OPCML: variants seen among roughly 807,000 people sequenced by gnomAD.
OPCML encodes the protein opioid-binding protein/cell adhesion molecule.
Under a neutral mutation model 37.8 loss-of-function variants are expected in OPCML, and 13 were observed. That is an observed-to-expected ratio of 0.34 (90% CI 0.22 to 0.55). The LOEUF (loss-of-function observed/expected upper bound fraction) is 0.55. Ranked by LOEUF, OPCML falls within the 20% of genes least tolerant of loss-of-function variation. The pLI, the probability that OPCML is intolerant of heterozygous loss-of-function variation, is 0.91. For synonymous variants in OPCML, 176 were observed against 168.8 expected (o/e 1.04, Z -0.33); for missense variants, 341 against 435.6 (o/e 0.78, Z 1.93).
intron 2 of OPCML, among the ~76,000 whole-genome samples, chr11:132,685,859 T>C (rs1250951197): frequency 2.6e-5 from 4 of 152,160 alleles, no homozygotes; most frequent in African/African-American, 9.7e-5. Flanking sequence ...TTCTCAACAA[T>C]GTAAATCACT....
intron 1 of OPCML, chr11:133,007,785 G>A: frequency 1.0e-6 from 1 of 985,434 alleles, no homozygotes; most frequent in South Asian, 4.7e-5. Context: ...TGAATAGTTA[G>A]CACATGTATC....
intron 1 of OPCML, among the ~76,000 whole-genome samples, chr11:133,335,307 G>T (rs1317895355): frequency 6.6e-6 from 1 of 152,204 alleles, no homozygotes; most frequent in African/African-American, 2.4e-5. Flanking sequence ...GAATGGTCCA[G>T]GTGACTAGAT....
At chr11:133,026,202 A>G (rs1438104488) in intron 1 of OPCML, 1 of 707,172 alleles carries the variant, frequency 1.4e-6, no homozygotes, top group African/African-American at 1.9e-5. Flanking sequence ...TGTAATCTGT[A>G]AAGCTTTCGA....
intron 1 of OPCML, among the ~76,000 whole-genome samples, chr11:133,220,089 G>A (rs1159458938): frequency 1.3e-5 from 2 of 152,054 alleles, no homozygotes; most frequent in African/African-American, 4.8e-5. Context: ...TAAGACTGTT[G>A]AGGAAGCTTC....
intron 1 of OPCML, among the ~76,000 whole-genome samples, chr11:133,096,094 T>C (rs534162161): frequency 6.6e-6 from 1 of 151,608 alleles, no homozygotes; most frequent in East Asian, 1.9e-4. Flanking sequence ...TATGTTTTTT[T>C]CAAAGTTATA....
rs1592283304 is a variant in OPCML, at chr11:133,422,549, G to T, written c.61+109715C>A. 4.2e-6 allele frequency: 4 copies of T among 960,490 alleles called. No homozygotes were observed. In the African/African-American group the frequency reaches 5.5e-5, roughly 13 times the overall value. 59.5% of individuals were successfully genotyped at this position (960,490 alleles called of 1,614,324 possible). ...GGGGTCCTGCTCTACCGCCCAGGCT[G>T]GAGTGCAGCGGTGCGAACATGCTCC... On this transcript the variant is annotated intron_variant, in intron 1 of 7. Coordinates refer to ENST00000524381, the MANE Select transcript of OPCML (RefSeq NM_001012393.5).
At chr11:133,328,156 A>ACT (rs1943524325) in intron 1 of OPCML, among the ~76,000 whole-genome samples, 11 of 147,142 alleles carry the variant, frequency 7.5e-5, no homozygotes, top group African/African-American at 2.9e-4. Flanking sequence ...GGTGTGTTTT[A>ACT]ATTTTTTTTT....
intron 3 of OPCML, among the ~76,000 whole-genome samples, chr11:132,554,778 T>A (rs2096390410): frequency 6.6e-6 from 1 of 152,040 alleles, no homozygotes; most frequent in African/African-American, 2.4e-5. Context: ...TGTGTTTATG[T>A]TATTAACTCA....
At chr11:133,435,360 C>A (rs1946212408) in intron 1 of OPCML, among the ~76,000 whole-genome samples, 2 of 151,884 alleles carry the variant, frequency 1.3e-5, no homozygotes, top group African/African-American at 4.8e-5. Context: ...CATAGTAGGC[C>A]CACATTTGTT....
rs1303867658 is a variant in OPCML at position 133,099,398 on chromosome 11, G to A, written c.62-156388C>T. Among the ~76,000 whole-genome samples, 4 of 150,848 alleles carry A rather than the reference G, an allele frequency of 2.7e-5. No individual in the cohort carries two copies. The East Asian group carries it at 5.8e-4, about 22-fold the overall frequency. On this transcript the variant is annotated intron_variant, in intron 1 of 7. Coordinates refer to ENST00000524381, the MANE Select transcript of OPCML (RefSeq NM_001012393.5). ...CTGCCTCAGCCTCCTGAGTAGCTGGGACTACAGGTGCTCACCACCACACCT... is the reference window on the plus strand; with the variant it reads ...CTGCCTCAGCCTCCTGAGTAGCTGGAACTACAGGTGCTCACCACCACACCT...
chr11:132,899,016 T>C (rs573081526), intron 2 of OPCML, among the ~76,000 whole-genome samples: 1 of 152,230 alleles, frequency 6.6e-6, no homozygotes, highest in East Asian at 1.9e-4. Context: ...TCTCTTAGTA[T>C]TACCATGCCC....
At chr11:132,841,198 TGA>T (rs1941270743) in intron 2 of OPCML, among the ~76,000 whole-genome samples, 1 of 152,178 alleles carries the variant, frequency 6.6e-6, no homozygotes, top group South Asian at 2.1e-4. Flanking sequence ...TGTGCTAGGG[TGA>T]GAGTACTCCC....
At chr11:133,505,216 G>C (rs1303388211) in intron 1 of OPCML, among the ~76,000 whole-genome samples, 1 of 152,224 alleles carries the variant, frequency 6.6e-6, no homozygotes, top group Non-Finnish European at 1.5e-5. Context: ...TATTGGGAAG[G>C]GATTAAGACC....
At chr11:132,496,831 G>A (rs892332614) in intron 4 of OPCML, among the ~76,000 whole-genome samples, 2 of 152,184 alleles carry the variant, frequency 1.3e-5, no homozygotes, top group African/African-American at 2.4e-5. Flanking sequence ...TTTCTCTATA[G>A]GAAGAAGCAA....
intron 1 of OPCML, among the ~76,000 whole-genome samples, chr11:132,987,947 A>G (rs1845720635): frequency 6.6e-6 from 1 of 152,228 alleles, no homozygotes; most frequent in African/African-American, 2.4e-5. Context: ...TTGCCTCATA[A>G]GTTAGTTGCA....
intron 2 of OPCML, among the ~76,000 whole-genome samples, chr11:132,868,162 T>G (rs954161548): frequency 6.6e-6 from 1 of 152,210 alleles, no homozygotes; most frequent in African/African-American, 2.4e-5. Context: ...ATGAAGAAAC[T>G]GAGGCACCAA....
intron 1 of OPCML, chr11:133,009,198 T>G: frequency 1.0e-6 from 1 of 985,374 alleles, no homozygotes; most frequent in Non-Finnish European, 1.2e-6. Context: ...CTCTAACATA[T>G]GTAGATATAG....
At chr11:133,011,770 C>A (rs752476574) in intron 1 of OPCML, among the ~76,000 whole-genome samples, 1 of 152,082 alleles carries the variant, frequency 6.6e-6, no homozygotes, top group Non-Finnish European at 1.5e-5. Flanking sequence ...GTTGGCAAGT[C>A]ATTTAACCAC....
chr11:133,496,751 G>A (rs1313068062), intron 1 of OPCML, among the ~76,000 whole-genome samples: 1 of 152,168 alleles, frequency 6.6e-6, no homozygotes, highest in Non-Finnish European at 1.5e-5. Context: ...CATTAAACTT[G>A]TATCCAGAAA....
Sources: allele counts gnomAD v4.1 joint callset (sites outside exome capture counted in the v4.1 genomes callset), GRCh38; gene constraint gnomAD v4.1.1; transcripts MANE v1.5; gene names NCBI Gene and HGNC (gene_info 2026-07-23, HGNC 2026-07-21).